GNB1: variants seen among roughly 807,000 people sequenced by gnomAD.
GNB1 encodes G protein subunit beta 1.
Under a neutral mutation model 42.9 loss-of-function variants are expected in GNB1, and 2 were observed. The ratio of observed to expected loss-of-function variants is 0.05; its 90% confidence interval spans 0.02 to 0.15. The LOEUF is 0.15. Ranked by LOEUF, GNB1 falls within the 10% of genes least tolerant of loss-of-function variation. The probability of loss-of-function intolerance (pLI) is 1.00; values close to 1 mark genes in which losing one functional copy is unlikely to be tolerated. For synonymous variants in GNB1, 183 were observed against 174.7 expected (o/e 1.05, Z -0.38); for missense variants, 193 against 462.2 (o/e 0.42, Z 5.34).
intron 1 of GNB1, among the ~76,000 whole-genome samples, chr1:1,871,819 C>T (rs1649266287): frequency 1.3e-5 from 2 of 152,142 alleles, no homozygotes; most frequent in African/African-American, 2.4e-5. Flanking sequence ...CCTTTCCCTA[C>T]TCCCCTACAC....
chr1:1,862,459 T>C (rs1375920250), intron 1 of GNB1, among the ~76,000 whole-genome samples: 1 of 151,994 alleles, frequency 6.6e-6, no homozygotes, highest in Non-Finnish European at 1.5e-5. Context: ...GTAAAGTACT[T>C]CATTTTTATT....
chr1:1,814,488 G>C lies in GNB1; in HGVS notation c.203+1268C>G, dbSNP rs577579474. ...GGGAGATGCCTGGTGGAGAAGAAAG[G>C]GGTATAATTTAAAGTACAAGAAATA... On this transcript the variant is annotated intron_variant, in intron 5 of 11. Transcript: ENST00000378609. Among the ~76,000 whole-genome samples the C allele has an allele frequency of 2.8e-4, 42 of 152,174 alleles. No individual in the cohort carries two copies. The South Asian group carries it at 4.2e-3, about 15-fold the overall frequency.
At chr1:1,873,749 C>A (rs1039540822) in intron 1 of GNB1, among the ~76,000 whole-genome samples, 1 of 152,148 alleles carries the variant, frequency 6.6e-6, no homozygotes, top group South Asian at 2.1e-4. Flanking sequence ...ACCCCAGAGG[C>A]AGAGGTTACA....
intron 7 of GNB1, among the ~76,000 whole-genome samples, chr1:1,795,697 G>A (rs1646537042): frequency 1.3e-5 from 2 of 152,202 alleles, no homozygotes; most frequent in South Asian, 4.1e-4. Flanking sequence ...AGGTTGCAGT[G>A]AGCCGAGTTC....
intron 1 of GNB1, among the ~76,000 whole-genome samples, chr1:1,877,248 C>T (rs1481417141): frequency 3.4e-5 from 5 of 148,498 alleles, no homozygotes; most frequent in South Asian, 4.3e-4. Flanking sequence ...TTCAATGAGC[C>T]GAGATCGCGC....
At chr1:1,819,705 A>T (rs1466472707) in intron 3 of GNB1, among the ~76,000 whole-genome samples, 9 of 131,016 alleles carry the variant, frequency 6.9e-5, no homozygotes, top group African/African-American at 2.5e-4. Flanking sequence ...TGCCCGGCTA[A>T]TTTTTTTTTT....
chr1:1,826,607 G>A (rs141618905), intron 2 of GNB1, among the ~76,000 whole-genome samples: 1 of 151,958 alleles, frequency 6.6e-6, no homozygotes, highest in Non-Finnish European at 1.5e-5. Context: ...GAGCACACAG[G>A]GTGTGTCCAG....
At chr1:1,863,057 G>A (rs1029460194) in intron 1 of GNB1, among the ~76,000 whole-genome samples, 2 of 152,188 alleles carry the variant, frequency 1.3e-5, no homozygotes, top group Non-Finnish European at 2.9e-5. Flanking sequence ...CCTCAGCACT[G>A]TGGACACTGG....
chr1:1,886,106 G>C (rs1650142125), intron 1 of GNB1, among the ~76,000 whole-genome samples: 1 of 151,816 alleles, frequency 6.6e-6, no homozygotes, highest in Non-Finnish European at 1.5e-5. Flanking sequence ...GAGGTCAGGA[G>C]TTCAAGACCA....
intron 6 of GNB1, 98 bp downstream of exon 6, chr1:1,806,377 C>T (rs1646695117): frequency 2.7e-6 from 2 of 740,164 alleles, no homozygotes; most frequent in Non-Finnish European, 4.7e-6. Context: ...CTGCTGCCTT[C>T]CCTATCCTGT....
intron 9 of GNB1, among the ~76,000 whole-genome samples, 195 bp from the exon 10 acceptor site, chr1:1,789,464 G>C (rs575498718): frequency 2.0e-5 from 3 of 152,094 alleles, no homozygotes; most frequent in Non-Finnish European, 2.9e-5. Context: ...AGGCTGACGC[G>C]GGTGGATCAC....
intron 4 of GNB1, among the ~76,000 whole-genome samples, chr1:1,816,615 T>C (rs1646860014): frequency 6.6e-6 from 1 of 151,764 alleles, no homozygotes; most frequent in Non-Finnish European, 1.5e-5. Context: ...CACATTTCTG[T>C]CCAATTATTT....
At chr1:1,858,376 TG>T (rs1447534030) in intron 1 of GNB1, among the ~76,000 whole-genome samples, 1 of 152,200 alleles carries the variant, frequency 6.6e-6, no homozygotes, top group Non-Finnish European at 1.5e-5. Flanking sequence ...AAATTCCACT[TG>T]TACCATAGAA....
At position 1,790,704 on chromosome 1, in the gene GNB1, T is replaced by G. The variant is rs1646470183; in HGVS notation, c.498-108A>C. Reference sequence around the variant, plus strand: ...ACCACCCAGGGCCACAGTGAGCCTCTGCACTGTTACTTTAAAAACGTAAAT... The same window carrying G: ...ACCACCCAGGGCCACAGTGAGCCTCGGCACTGTTACTTTAAAAACGTAAAT... On this transcript the variant is annotated intron_variant, in intron 8 of 11. Coordinates refer to ENST00000378609, the MANE Select transcript of GNB1 (RefSeq NM_002074.5). The surrounding 1 kb of genome is among the most constrained non-coding windows in gnomAD (Gnocchi z 5.4). 4.4e-6 allele frequency: 3 copies of G among 681,440 alleles called. No individual in the cohort carries two copies. The East Asian group carries it at 8.1e-5, about 18-fold the overall frequency. 42.2% of individuals were successfully genotyped at this position (681,440 alleles called of 1,614,324 possible).
intron 1 of GNB1, among the ~76,000 whole-genome samples, chr1:1,863,991 C>T (rs569498711): frequency 1.7e-4 from 26 of 152,196 alleles, no homozygotes; most frequent in Admixed American, 1.3e-3. Context: ...GTTTGGGCAA[C>T]ATAGTTGGAC....
chr1:1,886,565 T>C (rs1242337698), intron 1 of GNB1, among the ~76,000 whole-genome samples: 1 of 152,236 alleles, frequency 6.6e-6, no homozygotes, highest in African/African-American at 2.4e-5. Flanking sequence ...AAATTTCTGA[T>C]AGTTTCCATT....
Position 1,790,934 on chromosome 1 carries a change from T to A in GNB1, c.498-338A>T, listed in dbSNP as rs1292680772. Among the ~76,000 whole-genome samples the A allele has an allele frequency of 1.3e-5, 2 of 152,030 alleles. No homozygotes were observed. The highest frequency in any genetic ancestry group is 4.8e-5 in the African/African-American group (2 of 41,390). ...CCCCCTCTTTGGTCATGGATGGGCA[T>A]GGAAGGGGTGGCAGGAAGCTACGTG... On this transcript the variant is annotated intron_variant, in intron 8 of 11. Transcript: ENST00000378609. The surrounding 1 kb of genome is among the most constrained non-coding windows in gnomAD (Gnocchi z 5.4).
intron 10 of GNB1, 42 bp downstream of exon 10, chr1:1,789,011 G>A (rs767018883): frequency 1.0e-5 from 14 of 1,372,702 alleles, no homozygotes; most frequent in Middle Eastern, 1.8e-4. Context: ...AAGATACCAC[G>A]TAAATGTCCA....
intron 1 of GNB1, among the ~76,000 whole-genome samples, chr1:1,843,681 T>C (rs749768219): frequency 9.9e-5 from 15 of 152,248 alleles, no homozygotes; most frequent in Non-Finnish European, 1.8e-4. Context: ...CCCAAATGTA[T>C]GCTCTTTTTC....
Sources: allele counts gnomAD v4.1 joint callset (sites outside exome capture counted in the v4.1 genomes callset), GRCh38; gene constraint gnomAD v4.1.1; non-coding constraint Gnocchi (gnomAD v3.1); transcripts MANE v1.5; gene names NCBI Gene and HGNC (gene_info 2026-07-23, HGNC 2026-07-21).